The following MAML2 variants were observed in gnomAD, a reference collection of about 807,000 sequenced individuals.
MAML2 encodes the protein mastermind-like protein 2.
Under a neutral mutation model 96.1 loss-of-function variants are expected in MAML2, and 22 were observed. The observed-to-expected ratio is 0.23, with a 90% confidence interval of 0.16 to 0.33. The LOEUF is 0.33. Ranked by LOEUF, MAML2 falls within the 10% of genes least tolerant of loss-of-function variation. The pLI, the probability that MAML2 is intolerant of heterozygous loss-of-function variation, is 1.00. For missense variants in MAML2, 1,367 were observed against 1,392.4 expected, an observed-to-expected ratio of 0.98 and a Z score of 0.29; for synonymous variants, 561 against 521.3, an observed-to-expected ratio of 1.08 and a Z score of -1.04.
At chr11:96,235,145 G>C (rs1020894426) in intron 1 of MAML2, among the ~76,000 whole-genome samples, 2 of 152,124 alleles carry the variant, frequency 1.3e-5, no homozygotes, top group African/African-American at 4.8e-5. Flanking sequence ...AACAGACCAA[G>C]TTTGGGATGT....
At chr11:96,155,438 C>A (rs1330722487) in intron 1 of MAML2, among the ~76,000 whole-genome samples, 2 of 144,406 alleles carry the variant, frequency 1.4e-5, no homozygotes, top group African/African-American at 5.2e-5. Context: ...ATGATGAGAC[C>A]TTGTACATTT....
intron 1 of MAML2, among the ~76,000 whole-genome samples, chr11:96,179,477 C>T (rs1164666912): frequency 1.3e-5 from 2 of 152,296 alleles, no homozygotes; most frequent in Non-Finnish European, 2.9e-5. Flanking sequence ...CCCTCTCAAA[C>T]CTACATATAG....
intron 1 of MAML2, among the ~76,000 whole-genome samples, chr11:96,177,917 TG>T (rs1464623786): frequency 6.7e-4 from 1 of 1,500 alleles, no homozygotes; most frequent in African/African-American, 1.3e-3. Context: ...AGACCTTAGT[TG>T]TGTGTGTGTG....
Position 96,091,948 on chromosome 11 carries a change from T to C in MAML2, c.2083A>G (p.Met695Val). 1 of 1,612,592 alleles carries C rather than the reference T, an allele frequency of 6.2e-7. No individual in the cohort carries two copies. Among genetic ancestry groups the C allele is most frequent in the Non-Finnish European group, 8.5e-7 (1 of 1,179,386 alleles). Residue 695 changes from methionine to valine, a missense_variant, in exon 2 of 5, where the codon ATG (methionine) becomes GTG (valine). By Grantham distance (21) the Met-to-Val change is conservative (BLOSUM62 1). Coordinates refer to ENST00000524717, the MANE Select transcript of MAML2 (RefSeq NM_032427.4). ...ATTCCTGCAATGGGCTGATTCTGCATTTGCTGAAGTAGGAGCTTTTGCTGA... is the reference window on the plus strand; with the variant it reads ...ATTCCTGCAATGGGCTGATTCTGCACTTGCTGAAGTAGGAGCTTTTGCTGA... ...PLQQKLLLQQ[M>V]QNQPIAGMGY...
intron 1 of MAML2, among the ~76,000 whole-genome samples, chr11:96,181,679 T>A (rs925787388): frequency 6.6e-6 from 1 of 152,114 alleles, no homozygotes; most frequent in African/African-American, 2.4e-5. Context: ...TCAACACTCA[T>A]CCATAGTGGC....
chr11:96,255,273 T>C (rs534603206), intron 1 of MAML2, among the ~76,000 whole-genome samples: 2 of 152,248 alleles, frequency 1.3e-5, no homozygotes, highest in South Asian at 4.1e-4. Flanking sequence ...TGCATAACTG[T>C]CAAGCATCAT....
chr11:96,319,255 T>C (rs1863671725), intron 1 of MAML2, among the ~76,000 whole-genome samples: 1 of 152,192 alleles, frequency 6.6e-6, no homozygotes, highest in Non-Finnish European at 1.5e-5. Context: ...ATCCTCAACC[T>C]GGCTTTGAGG....
At chr11:96,119,007 T>A (rs1247733568) in intron 1 of MAML2, among the ~76,000 whole-genome samples, 1 of 152,202 alleles carries the variant, frequency 6.6e-6, no homozygotes, top group Non-Finnish European at 1.5e-5. Context: ...TCCTTCTACA[T>A]CTATTGACTC....
chr11:96,246,651 T>A (rs1862516046), intron 1 of MAML2, among the ~76,000 whole-genome samples: 1 of 152,204 alleles, frequency 6.6e-6, no homozygotes, highest in East Asian at 1.9e-4. Flanking sequence ...AAAGTATGAA[T>A]GGAGTCAAAT....
intron 2 of MAML2, among the ~76,000 whole-genome samples, chr11:96,056,940 C>A (rs1243144351): frequency 6.6e-6 from 1 of 152,094 alleles, no homozygotes; most frequent in East Asian, 1.9e-4. Context: ...CTAAGAATAC[C>A]AATGTCCTTG....
At chr11:96,021,013 C>T (rs1313508114) in intron 2 of MAML2, among the ~76,000 whole-genome samples, 1 of 152,080 alleles carries the variant, frequency 6.6e-6, no homozygotes, top group Admixed American at 6.6e-5. Flanking sequence ...TGGATTTCTT[C>T]CCTTTTTTTC....
chr11:96,269,812 T>G (rs1862889188), intron 1 of MAML2, among the ~76,000 whole-genome samples: 1 of 144,026 alleles, frequency 6.9e-6, no homozygotes, highest in Admixed American at 7.3e-5. Flanking sequence ...TGCCCAGCCT[T>G]GAGGTGCATT....
rs1864002776 is a variant in MAML2 at position 96,341,967 on chromosome 11, A to G, written c.-72T>C. 1.4e-6 allele frequency: 2 copies of G among 1,417,152 alleles called. No individual in the cohort carries two copies. Among genetic ancestry groups the G allele is most frequent in the Admixed American group, 5.5e-5 (2 of 36,664 alleles). The allele number at this position is 1,417,152 out of a possible 1,614,324, so 87.8% of individuals were successfully genotyped here. A position where few individuals can be genotyped will look rare whatever the true frequency, so the allele number is the denominator to read the frequency against. On this transcript the variant is annotated 5_prime_UTR_variant, in exon 1 of 5. Coordinates refer to ENST00000524717, the MANE Select transcript of MAML2 (RefSeq NM_032427.4). ...GAGGCTACTGCTGGCTATTGCAGGC[A>G]AGTCTGTTTTTGACAATGTGAGCTC... is the stretch of plus-strand genomic sequence containing the variant.
chr11:96,110,380 C>T (rs111716981), intron 1 of MAML2, among the ~76,000 whole-genome samples: 23 of 152,254 alleles, frequency 1.5e-4, no homozygotes, highest in Non-Finnish European at 2.4e-4. Flanking sequence ...TGGAGGATTC[C>T]GCCATCTTGC....
At chr11:96,301,758 G>A (rs985309703) in intron 1 of MAML2, among the ~76,000 whole-genome samples, 2 of 152,130 alleles carry the variant, frequency 1.3e-5, no homozygotes, top group East Asian at 3.8e-4. Flanking sequence ...TTTATGAATT[G>A]TGCTTCTTGG....
intron 1 of MAML2, among the ~76,000 whole-genome samples, chr11:96,221,635 G>A (rs1029289431): frequency 6.7e-6 from 1 of 148,814 alleles, no homozygotes; most frequent in African/African-American, 2.5e-5. Context: ...AATCAGTATT[G>A]AGCTCTTTGC....
intron 1 of MAML2, among the ~76,000 whole-genome samples, chr11:96,329,731 G>A (rs1171635717): frequency 6.6e-6 from 1 of 152,192 alleles, no homozygotes; most frequent in Non-Finnish European, 1.5e-5. Flanking sequence ...AATAAGTATA[G>A]TAAGTAGGTA....
chr11:96,144,790 C>G (rs1440637678), intron 1 of MAML2, among the ~76,000 whole-genome samples: 1 of 152,104 alleles, frequency 6.6e-6, no homozygotes, highest in Non-Finnish European at 1.5e-5. Context: ...AGATATATAC[C>G]AAGTACTACT....
At chr11:96,221,459 G>A (rs183789107) in intron 1 of MAML2, among the ~76,000 whole-genome samples, 30 of 152,286 alleles carry the variant, frequency 2.0e-4, no homozygotes, top group African/African-American at 6.0e-4. Flanking sequence ...TTTGGGAACA[G>A]TGTAACACTG....
Sources: allele counts gnomAD v4.1 joint callset (sites outside exome capture counted in the v4.1 genomes callset), GRCh38; gene constraint gnomAD v4.1.1; transcripts MANE v1.5; gene names NCBI Gene and HGNC (gene_info 2026-07-23, HGNC 2026-07-21).